Variants in CACNA2D4 observed in about 807,000 individuals in gnomAD.
CACNA2D4 encodes the protein voltage-dependent calcium channel subunit alpha-2/delta-4.
A neutral mutation model predicts 163.8 loss-of-function variants in CACNA2D4; 157 were observed. The observed-to-expected ratio is 0.96, with a 90% CI of 0.84 to 1.09. The LOEUF (loss-of-function observed/expected upper bound fraction) is 1.09. Among genes scored for constraint, CACNA2D4 ranks in the 50% least tolerant of loss-of-function variants. The pLI is 0.00. For synonymous variants in CACNA2D4, 598 were observed against 586.9 expected (o/e 1.02, Z -0.27); for missense variants, 1,410 against 1,479.9 (o/e 0.95, Z 0.78).
chr12:1,884,873 C>T lies in CACNA2D4; in HGVS notation c.1167G>A (p.Glu389=), dbSNP rs547732055. The T allele has an allele frequency of 1.9e-6, 3 of 1,613,630 alleles. No individual in the cohort carries two copies. Among genetic ancestry groups the T allele is most frequent in the South Asian group, 2.2e-5 (2 of 91,068 alleles). The part of the protein sequence containing the change: ...EAFQILKQFQ[E]AKQGSLCNQA... The stretch of plus-strand genomic sequence containing the variant: ...GGTTGCAGAGGCTTCCTTGCTTGGC[C>T]TCTTGGAACTGTGTAGGGAAGAGGA... Residue 389 remains glutamate, a synonymous_variant, in exon 11 of 38, where the codon GAG becomes GAA. Transcript: ENST00000382722.
Position 1,855,197 on chromosome 12 carries a change from G to C in CACNA2D4, c.2152+815C>G, listed in dbSNP as rs141325046. Among the ~76,000 whole-genome samples, 786 of 152,286 alleles carry C rather than the reference G, an allele frequency of 5.2e-3. 5 individuals are homozygous for C. The highest frequency in any genetic ancestry group is 0.018 in the African/African-American group (767 of 41,542). On this transcript the variant is annotated intron_variant, in intron 22 of 37. Coordinates refer to ENST00000382722, the MANE Select transcript of CACNA2D4 (RefSeq NM_172364.5). ...TAGAATGTAAGCTCCATGATAGCAAGGGCCTTGTCTGGGTTATCTCTGTAG... is the reference window on the plus strand; with the variant it reads ...TAGAATGTAAGCTCCATGATAGCAACGGCCTTGTCTGGGTTATCTCTGTAG...
Position 1,917,974 on chromosome 12 carries a change from C to T in CACNA2D4, c.227+273G>A. ...GAAGCTGCTTGTCAGGCCAGGAAGA[C>T]AGCAGCCCTGATGATCAGTTCTTCC... On this transcript the variant is annotated intron_variant, in intron 1 of 37. Transcript: ENST00000382722. The surrounding 1 kb of genome is among the most constrained non-coding windows in gnomAD (Gnocchi z 4.3). 2.5e-6 allele frequency: 1 copy of T among 401,618 alleles called. No homozygotes were observed. The highest frequency in any genetic ancestry group is 2.9e-5 in the South Asian group (1 of 34,934). 24.9% of individuals were successfully genotyped at this position (401,618 alleles called of 1,614,324 possible).
At chr12:1,796,289 T>A (rs1863124993) in intron 35 of CACNA2D4, among the ~76,000 whole-genome samples, 1 of 152,122 alleles carries the variant, frequency 6.6e-6, no homozygotes, top group South Asian at 2.1e-4. Flanking sequence ...TTCCCAGCAG[T>A]CCCAGCGGCC....
chr12:1,916,509 G>A (rs1207709998), intron 1 of CACNA2D4, among the ~76,000 whole-genome samples: 1 of 152,200 alleles, frequency 6.6e-6, no homozygotes, highest in Non-Finnish European at 1.5e-5. Context: ...CAAGGAGAGT[G>A]TGCAGCGTGA....
At chr12:1,826,199 C>T (rs574541304) in intron 26 of CACNA2D4, among the ~76,000 whole-genome samples, 6 of 152,220 alleles carry the variant, frequency 3.9e-5, no homozygotes, top group East Asian at 1.9e-4. Flanking sequence ...GGCTCAAGTC[C>T]GAGCTAGGAG....
intron 18 of CACNA2D4, among the ~76,000 whole-genome samples, chr12:1,867,572 TA>T (rs1400246119): frequency 6.6e-6 from 1 of 152,106 alleles, no homozygotes; most frequent in Non-Finnish European, 1.5e-5. Flanking sequence ...ACAGCTAAAA[TA>T]AAAAGTGACT....
At chr12:1,803,678 T>C (rs1863415318) in intron 29 of CACNA2D4, among the ~76,000 whole-genome samples, 3 of 152,370 alleles carry the variant, frequency 2.0e-5, no homozygotes, top group African/African-American at 7.2e-5. Flanking sequence ...CTTGTCTGTC[T>C]ACACTCTGCT....
chr12:1,863,753 A>C (rs890090793), intron 18 of CACNA2D4, among the ~76,000 whole-genome samples: 2 of 152,160 alleles, frequency 1.3e-5, no homozygotes, highest in African/African-American at 4.8e-5. Flanking sequence ...GCATTGTTAC[A>C]GGCAATGCAT....
chr12:1,851,215 C>T (rs112366206), intron 23 of CACNA2D4, among the ~76,000 whole-genome samples: 62 of 152,266 alleles, frequency 4.1e-4, no homozygotes, highest in African/African-American at 1.4e-3. Context: ...TAAATTTATC[C>T]GTCATTCCTT....
chr12:1,831,644 G>A (rs560620097), intron 26 of CACNA2D4: 34 of 829,996 alleles, frequency 4.1e-5, no homozygotes, highest in Middle Eastern at 5.3e-4. Flanking sequence ...AGAAGGGGGC[G>A]ACCCTGCCTC....
intron 30 of CACNA2D4, 72 bp from the exon 31 acceptor site, chr12:1,801,190 A>T (rs1358894909): frequency 1.6e-6 from 2 of 1,269,128 alleles, no homozygotes; most frequent in Non-Finnish European, 2.3e-6. Flanking sequence ...AGGAGGCTTT[A>T]CTAGCAGAGC....
intron 4 of CACNA2D4, 104 bp downstream of exon 4, chr12:1,909,802 A>G: frequency 1.1e-6 from 1 of 874,718 alleles, no homozygotes; most frequent in East Asian, 2.6e-5. Flanking sequence ...TGTCTATGGA[A>G]TCAGTGGATC....
intron 7 of CACNA2D4, among the ~76,000 whole-genome samples, chr12:1,886,758 G>A (rs1213609664): frequency 2.6e-5 from 4 of 152,228 alleles, no homozygotes; most frequent in East Asian, 1.9e-4. Context: ...TTGACGTGGA[G>A]ACAGCTCAGT....
chr12:1,792,802 T>C lies in CACNA2D4; in HGVS notation c.*853A>G, dbSNP rs1393144207. The C allele has an allele frequency of 1.3e-5, 2 of 152,204 alleles. No individual in the cohort carries two copies. The highest frequency in any genetic ancestry group is 4.8e-5 in the African/African-American group (2 of 41,462). 9.4% of individuals were successfully genotyped at this position (152,204 alleles called of 1,614,324 possible). A position where few individuals can be genotyped will look rare whatever the true frequency, so the allele number is the denominator to read the frequency against. On this transcript the variant is annotated 3_prime_UTR_variant, in exon 38 of 38. Transcript: ENST00000382722. Reference sequence around the variant, plus strand: ...GTCAAGTAGATTCTTTTGTAAATCATTGGCCAGAAAAGAGCACAACCACTG... The same window carrying C: ...GTCAAGTAGATTCTTTTGTAAATCACTGGCCAGAAAAGAGCACAACCACTG...
rs545887406 is a variant in CACNA2D4 at position 1,829,701 on chromosome 12, C to T, written c.2551+11038G>A. Among the ~76,000 whole-genome samples, 35 of 149,018 alleles carry T rather than the reference C, an allele frequency of 2.3e-4. No individual in the cohort carries two copies. The highest frequency in any genetic ancestry group is 3.5e-3 in the Middle Eastern group (1 of 288). Reference sequence around the variant, plus strand: ...CAGCTCACAGCCCATCGGCCCACCCCGACCTGGGACAGCCAGGTCCCAGGT... The same window carrying T: ...CAGCTCACAGCCCATCGGCCCACCCTGACCTGGGACAGCCAGGTCCCAGGT... On this transcript the variant is annotated intron_variant, in intron 26 of 37. Transcript: ENST00000382722. This position sits in a 1 kb window ranked among gnomAD's most constrained non-coding sequence, Gnocchi z 4.2.
rs550492906 is a variant in CACNA2D4, at chr12:1,898,539, C to G, written c.781+8901G>C. 8.6e-5 allele frequency among the ~76,000 whole-genome samples: 13 copies of G among 151,252 alleles called. No individual in the cohort carries two copies. In the East Asian group the frequency reaches 2.5e-3, roughly 29 times the overall value. ...GTTGCCATGAGATACTACCTCACAC[C>G]CATTAGGATGGCTACTACCAGGAAA... On this transcript the variant is annotated intron_variant, in intron 6 of 37. Coordinates refer to ENST00000382722, the MANE Select transcript of CACNA2D4 (RefSeq NM_172364.5).
intron 26 of CACNA2D4, among the ~76,000 whole-genome samples, chr12:1,818,271 G>A (rs911140284): frequency 2.0e-4 from 30 of 151,854 alleles, no homozygotes; most frequent in Middle Eastern, 6.8e-3. Context: ...TGGGAGGTGT[G>A]CCCAACAGCT....
In CACNA2D4 at chr12:1,799,090, C is replaced by T. The variant is rs1411221717; in HGVS notation, c.2995+585G>A. The stretch of plus-strand genomic sequence containing the variant: ...GGAACACGGAGGAACTGAGCAGAGC[C>T]CGCTGAGGCAAGATGGCCTCCTGCA... On this transcript the variant is annotated intron_variant, in intron 34 of 37. Coordinates refer to ENST00000382722, the MANE Select transcript of CACNA2D4 (RefSeq NM_172364.5). This position sits in a 1 kb window ranked among gnomAD's most constrained non-coding sequence, Gnocchi z 4.7. Among the ~76,000 whole-genome samples, 1 of 152,216 alleles carries T rather than the reference C, an allele frequency of 6.6e-6. No homozygotes were observed. Among genetic ancestry groups the T allele is most frequent in the African/African-American group, 2.4e-5 (1 of 41,464 alleles).
intron 6 of CACNA2D4, among the ~76,000 whole-genome samples, chr12:1,900,318 GGAGAT>G (rs1314919406): frequency 5.9e-5 from 9 of 152,074 alleles, no homozygotes; most frequent in Non-Finnish European, 1.0e-4. Context: ...AATTTTTGGT[GGAGAT>G]GAGGTCTCAC....
Sources: gnomAD v4.1 joint callset for allele counts (sites outside exome capture counted in the v4.1 genomes callset) on GRCh38, gnomAD v4.1.1 for gene constraint, Gnocchi (gnomAD v3.1) non-coding constraint, MANE v1.5 for transcripts, NCBI Gene and HGNC (gene_info 2026-07-23, HGNC 2026-07-21) for gene names.